Variants in CACNA1H observed in about 807,000 individuals in gnomAD.
CACNA1H encodes the protein voltage-dependent T-type calcium channel subunit alpha-1H.
CACNA1H carries 149 observed loss-of-function variants against 192.5 expected under a neutral mutation model. The ratio of observed to expected loss-of-function variants is 0.77; its 90% confidence interval spans 0.68 to 0.89. The LOEUF is 0.89. Among genes scored for constraint, CACNA1H ranks in the 40% least tolerant of loss-of-function variants. The pLI, the probability that CACNA1H is intolerant of heterozygous loss-of-function variation, is 0.00. For missense variants in CACNA1H, 4,257 were observed against 3,423.5 expected, an observed-to-expected ratio of 1.24 and a Z score of -6.08; for synonymous variants, 2,202 against 1,475.2, an observed-to-expected ratio of 1.49 and a Z score of -11.29.
rs778900066 is a variant in CACNA1H at position 1,220,551 on chromosome 16, T to C, written c.6619T>C (p.Ser2207Pro). 6.5e-7 allele frequency: 1 copy of C among 1,530,830 alleles called. No individual in the cohort carries two copies. The highest frequency in any genetic ancestry group is 8.7e-7 in the Non-Finnish European group (1 of 1,145,812). 94.8% of individuals were successfully genotyped at this position (1,530,830 alleles called of 1,614,324 possible). The change falls in exon 35 of 35, where the codon TCC becomes CCC. Residue 2207 changes from serine to proline, a missense_variant. Transcript: ENST00000348261. The stretch of plus-strand genomic sequence containing the variant: ...GGAGGACGAGGGCTCTGCGCGGCCC[T>C]CCGCGGCAGAGGGCGGCAGCACCAC... ...PAEDEGSARP[S>P]AAEGGSTTLR...
rs187544844 is a variant in CACNA1H, at chr16:1,188,543, C to T, written c.300-6429C>T. Among the ~76,000 whole-genome samples the T allele has an allele frequency of 3.3e-3, 500 of 152,330 alleles. 4 individuals carry two copies. The highest frequency in any genetic ancestry group is 0.014 in the South Asian group (69 of 4,830). ...GGGTTCCCGCCACTCGCAGACACTC[C>T]CCCTCACCCAGCCGCGGGAATGCAG... On this transcript the variant is annotated intron_variant, in intron 2 of 34. Coordinates refer to ENST00000348261, the MANE Select transcript of CACNA1H (RefSeq NM_021098.3).
intron 2 of CACNA1H, among the ~76,000 whole-genome samples, chr16:1,189,163 G>T (rs1482839655): frequency 2.0e-5 from 3 of 151,272 alleles, no homozygotes; most frequent in Non-Finnish European, 4.4e-5. Context: ...CTGTAGGGGT[G>T]AGAAAAGCTG....
Position 1,207,730 on chromosome 16 carries a change from C to T in CACNA1H, c.3064-40C>T, listed in dbSNP as rs367558111. On this transcript the variant is annotated intron_variant, in intron 14 of 34. Coordinates refer to ENST00000348261, the MANE Select transcript of CACNA1H (RefSeq NM_021098.3). ...GTCCGGCATGAAGGGTCCCCACTCA[C>T]GGGGCCCCTCATGCCTGCCTTGTGC... 8.5e-4 allele frequency: 1,303 copies of T among 1,524,226 alleles called. 2 individuals are homozygous for T. The highest frequency in any genetic ancestry group is 1.5e-3 in the South Asian group (124 of 83,914). The allele number at this position is 1,524,226 out of a possible 1,614,324, so 94.4% of individuals were successfully genotyped here.
intron 5 of CACNA1H, among the ~76,000 whole-genome samples, chr16:1,197,571 T>G (rs3794620): frequency 2.3e-4 from 35 of 152,088 alleles, no homozygotes; most frequent in African/African-American, 8.0e-4. Context: ...GGCTGCATCC[T>G]GTTCTGTTGG....
chr16:1,171,114 C>G (rs1964324720), intron 2 of CACNA1H, among the ~76,000 whole-genome samples: 1 of 152,186 alleles, frequency 6.6e-6, no homozygotes, highest in South Asian at 2.1e-4. Flanking sequence ...CTGCTGAGCC[C>G]CTCCCCTCCC....
At chr16:1,195,224 G>C (rs915005315) in intron 3 of CACNA1H, 141 bp downstream of exon 3, 1 of 902,428 alleles carries the variant, frequency 1.1e-6, no homozygotes, top group Admixed American at 2.4e-5. Context: ...CGAGGTTCAC[G>C]GCGGGGCGCG....
In CACNA1H at chr16:1,191,428, G is replaced by A. The variant is rs1178187867; in HGVS notation, c.300-3544G>A. Among the ~76,000 whole-genome samples, 67 of 88,458 alleles carry A rather than the reference G, an allele frequency of 7.6e-4. 1 individual carries two copies. The highest frequency in any genetic ancestry group is 1.7e-3 in the Admixed American group (18 of 10,724). The allele number at this position is 88,458 out of a possible 152,430, so 58.0% of individuals were successfully genotyped here. On this transcript the variant is annotated intron_variant, in intron 2 of 34. Transcript: ENST00000348261. Reference sequence around the variant, plus strand: ...TGACCCAGCAGGCTGGCCTGGCTGTGTGGCCTCAGGCACACTCAGGGTTTT... The same window carrying A: ...TGACCCAGCAGGCTGGCCTGGCTGTATGGCCTCAGGCACACTCAGGGTTTT...
intron 10 of CACNA1H, 25 bp from the exon 11 acceptor site, chr16:1,205,089 G>C: frequency 6.2e-7 from 1 of 1,602,136 alleles, no homozygotes; most frequent in Non-Finnish European, 8.5e-7. Context: ...GCGGCCTCCT[G>C]AACTGTCCCC....
intron 2 of CACNA1H, among the ~76,000 whole-genome samples, chr16:1,155,145 G>A (rs766319200): frequency 2.6e-5 from 4 of 152,258 alleles, no homozygotes; most frequent in South Asian, 2.1e-4. Context: ...AAGTCATAAA[G>A]CCCGTGTTTC....
chr16:1,159,602 G>C (rs905238612), intron 2 of CACNA1H: 4 of 152,266 alleles, frequency 2.6e-5, no homozygotes, highest in Admixed American at 1.3e-4. Flanking sequence ...CCAGGGCTCA[G>C]CTTGCCTCCA....
intron 9 of CACNA1H, 35 bp downstream of exon 9, chr16:1,202,487 T>C (rs1968079574): frequency 1.4e-6 from 2 of 1,454,680 alleles, no homozygotes; most frequent in South Asian, 1.4e-5. Context: ...GAGGAGGCGG[T>C]GGGACCTAGG....
Position 1,200,444 on chromosome 16 carries a change from G to A in CACNA1H, c.992G>A (p.Gly331Asp), listed in dbSNP as rs747326278. The change falls in exon 7 of 35, where the codon GGC (glycine) becomes GAC (aspartate). Residue 331 changes from glycine to aspartate, a missense_variant. Coordinates refer to ENST00000348261, the MANE Select transcript of CACNA1H (RefSeq NM_021098.3). The stretch of plus-strand genomic sequence containing the variant: ...ACGCAGCCGCAGGCCGAGGGGGTGG[G>A]CGCTGCACGCAACGCCTGCATCAAC... ...AYTQPQAEGV[G>D]AARNACINWN... The A allele has an allele frequency of 1.7e-5, 27 of 1,611,116 alleles. No individual in the cohort carries two copies. The highest frequency in any genetic ancestry group is 1.9e-5 in the Non-Finnish European group (23 of 1,179,598).
chr16:1,190,817 C>T (rs932801802), intron 2 of CACNA1H, among the ~76,000 whole-genome samples: 1 of 151,978 alleles, frequency 6.6e-6, no homozygotes, highest in African/African-American at 2.4e-5. Context: ...CCTGCAGACC[C>T]AAGAGCTGGG....
At chr16:1,208,886 TA>T in intron 16 of CACNA1H, 145 bp from the exon 17 acceptor site, 4 of 895,020 alleles carry the variant, frequency 4.5e-6, no homozygotes, top group Non-Finnish European at 6.2e-6. Flanking sequence ...GGTGTCCCCC[TA>T]AAATCACAGC....
At chr16:1,190,995 G>A (rs866805560) in intron 2 of CACNA1H, among the ~76,000 whole-genome samples, 1 of 147,476 alleles carries the variant, frequency 6.8e-6, no homozygotes, top group Non-Finnish European at 1.5e-5. Flanking sequence ...TGACCCAGCA[G>A]GCTGCCCTGG....
chr16:1,198,765 C>T lies in CACNA1H; in HGVS notation c.794C>T (p.Ala265Val). The T allele has an allele frequency of 1.2e-6, 2 of 1,610,980 alleles. No homozygotes were observed. Among genetic ancestry groups the T allele is most frequent in the South Asian group, 1.1e-5 (1 of 91,058 alleles). ...CGGAACCGCTGCTTCCTGGACAGTGCCTTTGTCAGGTGCCCAGGCCCCACC... is the reference window on the plus strand; with the variant it reads ...CGGAACCGCTGCTTCCTGGACAGTGTCTTTGTCAGGTGCCCAGGCCCCACC... ...LLRNRCFLDSAFVRNNNLTFL... is the reference protein window; with the variant it reads ...LLRNRCFLDSVFVRNNNLTFL... Residue 265 changes from alanine (A) to valine (V), a missense_variant, in exon 6 of 35, where the codon GCC becomes GTC. By Grantham distance (64) the Ala-to-Val change is moderately conservative (BLOSUM62 0). Coordinates refer to ENST00000348261, the MANE Select transcript of CACNA1H (RefSeq NM_021098.3).
At chr16:1,206,068 G>A (rs376591949) in intron 11 of CACNA1H, 36 bp from the exon 12 acceptor site, 45 of 1,523,194 alleles carry the variant, frequency 3.0e-5, no homozygotes, top group African/African-American at 1.1e-4. Flanking sequence ...GTCAGGGATC[G>A]TGGCCCCGCT....
chr16:1,199,926 T>C (rs946080985), intron 6 of CACNA1H, among the ~76,000 whole-genome samples: 2 of 152,104 alleles, frequency 1.3e-5, no homozygotes, highest in African/African-American at 2.4e-5. Flanking sequence ...CCCTCCCTGT[T>C]TGTCTGTGCT....
chr16:1,219,166 G>T, intron 34 of CACNA1H, 36 bp downstream of exon 34: 1 of 1,484,932 alleles, frequency 6.7e-7, no homozygotes, highest in Non-Finnish European at 9.0e-7. Context: ...AGAGGCTGGC[G>T]GGGATGGGGG....
Sources: allele counts gnomAD v4.1 joint callset (sites outside exome capture counted in the v4.1 genomes callset), GRCh38; gene constraint gnomAD v4.1.1; transcripts MANE v1.5; gene names NCBI Gene and HGNC (gene_info 2026-07-23, HGNC 2026-07-21).